Variants in SHISA7 observed in about 807,000 individuals in gnomAD.
The protein encoded by SHISA7 is shisa family member 7, also known as protein shisa-7.
In SHISA7, 6 loss-of-function variants were observed where a neutral mutation model predicts 23.9. That is an observed-to-expected ratio of 0.25 (90% CI 0.14 to 0.50). SHISA7 has a LOEUF of 0.50. SHISA7 is among the 20% of genes least tolerant of loss of function. The pLI, the probability that SHISA7 is intolerant of heterozygous loss-of-function variation, is 0.98. For missense variants in SHISA7, 671 were observed against 801.1 expected, an observed-to-expected ratio of 0.84 and a Z score of 1.96; for synonymous variants, 386 against 398.3, an observed-to-expected ratio of 0.97 and a Z score of 0.37.
At chr19:55,435,217 T>G (rs1405098839) in intron 3 of SHISA7, among the ~76,000 whole-genome samples, 1 of 76,586 alleles carries the variant, frequency 1.3e-5, no homozygotes, top group African/African-American at 5.6e-5. Context: ...GTGTGTATGG[T>G]GTGTGTGTAT....
At chr19:55,436,685 G>A (rs116810699) in intron 3 of SHISA7, among the ~76,000 whole-genome samples, 2,281 of 151,632 alleles carry the variant, frequency 0.015, 54 homozygotes, top group African/African-American at 0.052. Flanking sequence ...GAGGTGGGTG[G>A]CTTTCTTGAG....
rs962530456 is a variant in SHISA7, at chr19:55,443,051, C to G, written c.-188G>C. Among the ~76,000 whole-genome samples the G allele has an allele frequency of 6.6e-6, 1 of 150,494 alleles. No homozygotes were observed. Among genetic ancestry groups the G allele is most frequent in the African/African-American group, 2.5e-5 (1 of 40,808 alleles). On this transcript the variant is annotated 5_prime_UTR_variant, in exon 1 of 4. Transcript: ENST00000376325. ...AACAGGCGCCAGGAGGCAGGAAGGG[C>G]GGAGGGAGCTGAGCTGCGTGGGCCC...
intron 3 of SHISA7, among the ~76,000 whole-genome samples, chr19:55,434,039 C>A (rs983775936): frequency 6.6e-6 from 1 of 151,990 alleles, no homozygotes; most frequent in Non-Finnish European, 1.5e-5. Context: ...GGGAGTAGAA[C>A]CCAACTCTTG....
At chr19:55,436,373 T>G (rs1392365497) in intron 3 of SHISA7, among the ~76,000 whole-genome samples, 2 of 151,090 alleles carry the variant, frequency 1.3e-5, no homozygotes, top group Non-Finnish European at 2.9e-5. Context: ...GGGAGGCCGA[T>G]GTGGGTGGAT....
chr19:55,442,472 T>G lies in SHISA7; in HGVS notation c.392A>C (p.Tyr131Ser). 6.9e-7 allele frequency: 1 copy of G among 1,451,686 alleles called. No individual in the cohort carries two copies. The highest frequency in any genetic ancestry group is 9.1e-7 in the Non-Finnish European group (1 of 1,100,942). 89.9% of individuals were successfully genotyped at this position (1,451,686 alleles called of 1,614,324 possible). The stretch of plus-strand genomic sequence containing the variant: ...CGTGGTGGCCCAGCGCGGCGTGTCG[T>G]AGTTGGAGCAGGAGGCCTGCGCCAG... The part of the protein sequence containing the change: ...MRLAQASCSN[Y>S]DTPRWATTPP... The change falls in exon 1 of 4, where the codon TAC becomes TCC. Residue 131 changes from tyrosine to serine, a missense_variant. Physicochemically the swap from Tyr to Ser is moderately radical, Grantham distance 144. This residue lies in a region of SHISA7 where 48 missense variants were observed against 111.0 expected (regional missense o/e 0.43). Coordinates refer to ENST00000376325, the MANE Select transcript of SHISA7 (RefSeq NM_001145176.2).
Position 55,431,921 on chromosome 19 carries a change from G to A in SHISA7, c.*1235C>T, listed in dbSNP as rs1435381160. On this transcript the variant is annotated 3_prime_UTR_variant, in exon 4 of 4. Coordinates refer to ENST00000376325, the MANE Select transcript of SHISA7 (RefSeq NM_001145176.2). ...GGCCCCATTTCCCCTCAGAGGGTCT[G>A]GCAGAGATCCTGCTGGACATGTCCC... 6.6e-6 allele frequency: 1 copy of A among 152,234 alleles called. No homozygotes were observed. Among genetic ancestry groups the A allele is most frequent in the African/African-American group, 2.4e-5 (1 of 41,420 alleles). 9.4% of individuals were successfully genotyped at this position (152,234 alleles called of 1,614,324 possible). A position where few individuals can be genotyped will look rare whatever the true frequency, so the allele number is the denominator to read the frequency against.
At chr19:55,434,844 TGTGTGC>T (rs1404067258) in intron 3 of SHISA7, among the ~76,000 whole-genome samples, 1 of 107,232 alleles carries the variant, frequency 9.3e-6, no homozygotes. Context: ...GTGTGGTGTG[TGTGTGC>T]GTGTGTGTAT....
intron 3 of SHISA7, among the ~76,000 whole-genome samples, chr19:55,436,462 G>A (rs1479793962): frequency 6.6e-6 from 1 of 151,950 alleles, no homozygotes; most frequent in Non-Finnish European, 1.5e-5. Context: ...AATTAGCCAG[G>A]TGTGGTGGCA....
intron 3 of SHISA7, among the ~76,000 whole-genome samples, chr19:55,434,591 TGTGTGTGGTGTGG>T (rs1985336465): frequency 1.7e-5 from 2 of 114,580 alleles, no homozygotes; most frequent in African/African-American, 6.8e-5. Context: ...GTGTGTGGTG[TGTGTGTGGTGTGG>T]GTGTGTGGTA....
chr19:55,436,780 G>C (rs1231667003), intron 3 of SHISA7, among the ~76,000 whole-genome samples: 2 of 152,042 alleles, frequency 1.3e-5, no homozygotes, highest in Non-Finnish European at 2.9e-5. Flanking sequence ...ATGGCAGCAC[G>C]AGCTCTTAGT....
chr19:55,437,500 A>G lies in SHISA7; in HGVS notation c.976+105T>C, dbSNP rs910292232. 5 of 1,350,322 alleles carry G rather than the reference A, an allele frequency of 3.7e-6. No individual in the cohort carries two copies. In the African/African-American group the frequency reaches 6.0e-5, roughly 16 times the overall value. The allele number at this position is 1,350,322 out of a possible 1,614,324, so 83.6% of individuals were successfully genotyped here. On this transcript the variant is annotated intron_variant, in intron 3 of 3. Coordinates refer to ENST00000376325, the MANE Select transcript of SHISA7 (RefSeq NM_001145176.2). ...AACTTGGAGTAAAACCTGGGAGAGA[A>G]GCTAAACCATTGGAAGGCTCTTGGG...
At position 55,442,416 on chromosome 19, in the gene SHISA7, C is replaced by A; in HGVS notation, c.448G>T (p.Ala150Ser). The A allele has an allele frequency of 7.1e-7, 1 of 1,404,358 alleles. No individual in the cohort carries two copies. The highest frequency in any genetic ancestry group is 9.3e-7 in the Non-Finnish European group (1 of 1,076,952). The allele number at this position is 1,404,358 out of a possible 1,614,324, so 87.0% of individuals were successfully genotyped here. A position where few individuals can be genotyped will look rare whatever the true frequency, so the allele number is the denominator to read the frequency against. The change falls in exon 1 of 4, where the codon GCT (alanine) becomes TCT (serine). Residue 150 changes from alanine to serine, a missense_variant. Physicochemically the swap from Ala to Ser is moderately conservative, Grantham distance 99. Transcript: ENST00000376325. ...CCTGGCCCCCCGCCCGCACCCCCAG[C>A]GCCCCCGGCGCCCCCAGCTAGCGGC... ...PPPLAGGAGG[A>S]GGAGGGPGPG...
At chr19:55,435,398 T>TGTATGTGGTGTGTGTGTGTGG (rs1985432080) in intron 3 of SHISA7, among the ~76,000 whole-genome samples, 1 of 80,010 alleles carries the variant, frequency 1.2e-5, no homozygotes, top group African/African-American at 4.0e-5. Flanking sequence ...TGTGTGTGTG[T>TGTATGTGGTGTGTGTGTGTGG]GGGTGTGTGT....
At position 55,433,384 on chromosome 19, in the gene SHISA7, T is replaced by G; in HGVS notation, c.1389A>C (p.Thr463=). 9 of 1,332,810 alleles carry G rather than the reference T, an allele frequency of 6.8e-6. No individual in the cohort carries two copies. The highest frequency in any genetic ancestry group is 8.6e-6 in the Non-Finnish European group (9 of 1,050,756). The allele number at this position is 1,332,810 out of a possible 1,614,324, so 82.6% of individuals were successfully genotyped here. ...NLLLGPGGPP[T]PLRGLPPPSS... ...ACGGTGGCGGCAGCCCGCGCAGCGG[T>G]GTTGGGGGCCCCCCGGGCCCCAGCA... Residue 463 remains threonine, a synonymous_variant, in exon 4 of 4, where the codon ACA becomes ACC. Transcript: ENST00000376325. The surrounding 1 kb of genome is among the most constrained non-coding windows in gnomAD (Gnocchi z 8.4).
chr19:55,435,079 T>C (rs1568450878), intron 3 of SHISA7, among the ~76,000 whole-genome samples: 4 of 59,144 alleles, frequency 6.8e-5, no homozygotes, highest in Non-Finnish European at 1.5e-4. Flanking sequence ...ATGGTGTGTG[T>C]GGTGTGTGTG....
Position 55,433,712 on chromosome 19 carries a change from C to T in SHISA7, c.1061G>A (p.Arg354Gln). ...GCGATAGCCGCCCCCCGTGCCCGGC[C>T]GCCGCAGCGCGTGCAGGGGCAGCGT... ...RGTLPLHALR[R>Q]PGTGGGYRME... Residue 354 changes from arginine to glutamine, a missense_variant, in exon 4 of 4, where the codon CGG becomes CAG. Arg to Gln is a conservative substitution (Grantham distance 43). Transcript: ENST00000376325. The surrounding 1 kb of genome is among the most constrained non-coding windows in gnomAD (Gnocchi z 8.4). 1 of 1,476,520 alleles carries T rather than the reference C, an allele frequency of 6.8e-7. No individual in the cohort carries two copies. Among genetic ancestry groups the T allele is most frequent in the Non-Finnish European group, 8.9e-7 (1 of 1,121,728 alleles). 91.5% of individuals were successfully genotyped at this position (1,476,520 alleles called of 1,614,324 possible).
Position 55,442,889 on chromosome 19 carries a change from C to A in SHISA7, c.-26G>T. The A allele has an allele frequency of 4.6e-6, 6 of 1,293,402 alleles. No homozygotes were observed. The highest frequency in any genetic ancestry group is 1.9e-5 in the South Asian group (1 of 51,598). 80.1% of individuals were successfully genotyped at this position (1,293,402 alleles called of 1,614,324 possible). A position where few individuals can be genotyped will look rare whatever the true frequency, so the allele number is the denominator to read the frequency against. ...GGGGCTTGCAGGGGGTCGCACTGGGCCGCCAGGCTGCGGGGAGAACGAGAG... is the reference window on the plus strand; with the variant it reads ...GGGGCTTGCAGGGGGTCGCACTGGGACGCCAGGCTGCGGGGAGAACGAGAG... On this transcript the variant is annotated 5_prime_UTR_variant, in exon 1 of 4. Transcript: ENST00000376325.
At chr19:55,438,503 C>T (rs1599873919) in intron 2 of SHISA7, 1 of 1,290,740 alleles carries the variant, frequency 7.7e-7, no homozygotes, top group Non-Finnish European at 1.0e-6. Flanking sequence ...GCTGGCCCAA[C>T]ACAAAGGGGG....
rs1233752207 is a variant in SHISA7 at position 55,433,942 on chromosome 19, A to G, written c.977-146T>C. 7.6e-6 allele frequency: 7 copies of G among 923,104 alleles called. No individual in the cohort carries two copies. Among genetic ancestry groups the G allele is most frequent in the Admixed American group, 8.6e-5 (2 of 23,302 alleles). The allele number at this position is 923,104 out of a possible 1,614,324, so 57.2% of individuals were successfully genotyped here. A position where few individuals can be genotyped will look rare whatever the true frequency, so the allele number is the denominator to read the frequency against. ...CAGGCTAGCTGTGAGGCCAAAATGC[A>G]GATTCCCAGGCCCAGCCCACAATGC... On this transcript the variant is annotated intron_variant, in intron 3 of 3. Transcript: ENST00000376325. The surrounding 1 kb of genome is among the most constrained non-coding windows in gnomAD (Gnocchi z 8.4).
Sources: allele counts gnomAD v4.1 joint callset (sites outside exome capture counted in the v4.1 genomes callset), GRCh38; gene constraint gnomAD v4.1.1; regional missense constraint gnomAD v4.1.1; non-coding constraint Gnocchi (gnomAD v3.1); transcripts MANE v1.5; gene names NCBI Gene and HGNC (gene_info 2026-07-23, HGNC 2026-07-21).